GLT1D1: variants seen among roughly 807,000 people sequenced by gnomAD.
The protein encoded by GLT1D1 is glycosyltransferase 1 domain containing 1, also known as glycosyltransferase 1 domain-containing protein 1.
Under a neutral mutation model 28.7 loss-of-function variants are expected in GLT1D1, and 21 were observed. The observed-to-expected ratio is 0.73, with a 90% CI of 0.52 to 1.05. The LOEUF is 1.05. GLT1D1 is among the 50% of genes least tolerant of loss of function. The pLI, the probability that GLT1D1 is intolerant of heterozygous loss-of-function variation, is 0.00. For synonymous variants in GLT1D1, 147 were observed against 124.8 expected, an observed-to-expected ratio of 1.18 and a Z score of -1.19; for missense variants, 343 against 330.6, an observed-to-expected ratio of 1.04 and a Z score of -0.29.
At chr12:128,885,730 G>T (rs988998686) in intron 2 of GLT1D1, among the ~76,000 whole-genome samples, 1 of 152,142 alleles carries the variant, frequency 6.6e-6, no homozygotes, top group African/African-American at 2.4e-5. Flanking sequence ...GTAAGAAAGG[G>T]CTGTCATCTT....
intron 2 of GLT1D1, among the ~76,000 whole-genome samples, chr12:128,884,201 T>TAC (rs548954426): frequency 7.7e-4 from 114 of 147,802 alleles, no homozygotes; most frequent in Non-Finnish European, 1.5e-3. Context: ...GAAAATGGGG[T>TAC]ATATATATAT....
intron 7 of GLT1D1, among the ~76,000 whole-genome samples, chr12:128,961,489 G>C (rs768650688): frequency 6.6e-6 from 1 of 152,162 alleles, no homozygotes; most frequent in African/African-American, 2.4e-5. Flanking sequence ...CCATAAAAAA[G>C]AAGGAGTCAT....
At position 128,865,822 on chromosome 12, in the gene GLT1D1, G is replaced by A. The variant is rs77952458; in HGVS notation, c.69-10092G>A. On this transcript the variant is annotated intron_variant, in intron 1 of 7. Transcript: ENST00000281703. ...GGGTGACAGGGCGAGACTCTGCCAC[G>A]AAAACAAAACAAAACAAAACAAAAA... Among the ~76,000 whole-genome samples, 560 of 151,502 alleles carry A rather than the reference G, an allele frequency of 3.7e-3. 4 individuals carry two copies. The highest frequency in any genetic ancestry group is 0.012 in the African/African-American group (507 of 41,280).
intron 4 of GLT1D1, among the ~76,000 whole-genome samples, chr12:128,921,518 T>C (rs1441204131): frequency 6.6e-6 from 1 of 151,826 alleles, no homozygotes; most frequent in Non-Finnish European, 1.5e-5. Flanking sequence ...TGTATGTGTG[T>C]ATTTATATAT....
intron 7 of GLT1D1, among the ~76,000 whole-genome samples, chr12:128,961,844 C>T (rs552246161): frequency 3.9e-5 from 6 of 152,316 alleles, no homozygotes; most frequent in African/African-American, 1.4e-4. Flanking sequence ...GGCACACTGA[C>T]ACATAAAATT....
intron 4 of GLT1D1, among the ~76,000 whole-genome samples, chr12:128,917,071 G>C (rs962209019): frequency 6.6e-6 from 1 of 152,064 alleles, no homozygotes; most frequent in Non-Finnish European, 1.5e-5. Context: ...ACAATATCCA[G>C]ATGGTTCCGG....
chr12:128,865,124 C>T (rs1268886972), intron 1 of GLT1D1, among the ~76,000 whole-genome samples: 1 of 152,176 alleles, frequency 6.6e-6, no homozygotes, highest in African/African-American at 2.4e-5. Context: ...ACATCCAACA[C>T]ACGCCGAGGC....
At chr12:128,975,038 C>T (rs76171418) in intron 7 of GLT1D1, among the ~76,000 whole-genome samples, 28 of 152,224 alleles carry the variant, frequency 1.8e-4, no homozygotes, top group Admixed American at 1.0e-3. Context: ...AGTGCCCCCC[C>T]GCACCTGCAC....
At chr12:128,972,668 C>T (rs1308891541) in intron 7 of GLT1D1, among the ~76,000 whole-genome samples, 1 of 152,170 alleles carries the variant, frequency 6.6e-6, no homozygotes, top group Non-Finnish European at 1.5e-5. Flanking sequence ...CAAATGTGCT[C>T]TTATCAGCCC....
intron 4 of GLT1D1, 60 bp downstream of exon 5, chr12:128,912,520 A>T: frequency 2.5e-6 from 2 of 789,644 alleles, no homozygotes; most frequent in East Asian, 2.8e-5. Context: ...ATATATCAAA[A>T]TAGATGCATA....
At chr12:128,967,788 T>TTAACG (rs1481535812) in intron 7 of GLT1D1, among the ~76,000 whole-genome samples, 2 of 152,222 alleles carry the variant, frequency 1.3e-5, no homozygotes, top group Non-Finnish European at 2.9e-5. Context: ...TAAAAGTGTT[T>TTAACG]TAACGTAACA....
intron 1 of GLT1D1, among the ~76,000 whole-genome samples, chr12:128,866,160 C>T (rs1011281122): frequency 6.6e-6 from 1 of 150,802 alleles, no homozygotes; most frequent in East Asian, 2.0e-4. Flanking sequence ...GCTCTGCCTG[C>T]CGGGTTCATG....
intron 1 of GLT1D1, among the ~76,000 whole-genome samples, chr12:128,874,168 TTCTTTCTTTTTTTC>T (rs1956815111): frequency 7.7e-6 from 1 of 130,574 alleles, no homozygotes; most frequent in East Asian, 2.2e-4. Flanking sequence ...CTTTCTTTCT[TTCTTTCTTTTTTTC>T]TCTTTCTTTC....
intron 1 of GLT1D1, among the ~76,000 whole-genome samples, chr12:128,864,858 G>T (rs964021142): frequency 2.0e-5 from 3 of 152,094 alleles, no homozygotes; most frequent in Non-Finnish European, 4.4e-5. Context: ...TGCCAGAGGG[G>T]TGGGCATGGT....
At chr12:128,947,590 C>T (rs930279228) in intron 6 of GLT1D1, 132 bp downstream of exon 10, 24 of 952,910 alleles carry the variant, frequency 2.5e-5, no homozygotes, top group Non-Finnish European at 3.9e-5. Flanking sequence ...AGCAGCATAC[C>T]TGTTGGAGTT....
intron 1 of GLT1D1, among the ~76,000 whole-genome samples, chr12:128,858,180 A>C (rs780394123): frequency 6.6e-6 from 1 of 152,210 alleles, no homozygotes; most frequent in Non-Finnish European, 1.5e-5. Context: ...TCTGGGAGTC[A>C]TGCCCTACAA....
chr12:128,913,816 C>A (rs549769457), intron 4 of GLT1D1, among the ~76,000 whole-genome samples: 1 of 152,352 alleles, frequency 6.6e-6, no homozygotes, highest in Non-Finnish European at 1.5e-5. Flanking sequence ...CGTCTACCAC[C>A]TCCACCCTGC....
At chr12:128,906,172 T>G (rs1377910338) in intron 4 of GLT1D1, among the ~76,000 whole-genome samples, 1 of 152,222 alleles carries the variant, frequency 6.6e-6, no homozygotes. Flanking sequence ...TTTGACATTT[T>G]CAAGAATTTG....
At chr12:128,936,715 T>C (rs549763457) in intron 4 of GLT1D1, among the ~76,000 whole-genome samples, 77 of 152,302 alleles carry the variant, frequency 5.1e-4, no homozygotes, top group African/African-American at 1.8e-3. Flanking sequence ...AATAACTTCT[T>C]ATATCGAAGA....
Sources: gnomAD v4.1 joint callset for allele counts (sites outside exome capture counted in the v4.1 genomes callset) on GRCh38, gnomAD v4.1.1 for gene constraint, MANE v1.5 for transcripts, NCBI Gene and HGNC (gene_info 2026-07-23, HGNC 2026-07-21) for gene names.